The following SHANK2 variants were observed in gnomAD, a reference collection of about 807,000 sequenced individuals.
SHANK2 encodes SH3 and multiple ankyrin repeat domains 2.
Under a neutral mutation model 133.7 loss-of-function variants are expected in SHANK2, and 43 were observed. The observed-to-expected ratio is 0.32, with a 90% CI of 0.25 to 0.41. The LOEUF is 0.41. Among genes scored for constraint, SHANK2 ranks in the 10% least tolerant of loss-of-function variants. The probability of loss-of-function intolerance (pLI) is 1.00; values close to 1 mark genes in which losing one functional copy is unlikely to be tolerated. For missense variants in SHANK2, 1,994 were observed against 2,235.8 expected, an observed-to-expected ratio of 0.89 and a Z score of 2.18; for synonymous variants, 1,017 against 952.8, an observed-to-expected ratio of 1.07 and a Z score of -1.24.
chr11:70,492,290 C>A (rs782423333), intron 22 of SHANK2, 45 bp downstream of exon 22: 1 of 1,602,310 alleles, frequency 6.2e-7, no homozygotes, highest in South Asian at 1.1e-5. Context: ...ACTTCCTGGG[C>A]ACCGTCGGCC....
intron 11 of SHANK2, among the ~76,000 whole-genome samples, chr11:70,886,918 C>G (rs1209663767): frequency 1.3e-5 from 2 of 152,146 alleles, no homozygotes; most frequent in Non-Finnish European, 2.9e-5. Context: ...ATAAAAACCC[C>G]TCGCTTCTCT....
chr11:70,861,221 C>T (rs1262960082), intron 11 of SHANK2, among the ~76,000 whole-genome samples: 2 of 152,200 alleles, frequency 1.3e-5, no homozygotes. Flanking sequence ...ACTATTATGC[C>T]TCTGTTTCCA....
chr11:70,870,874 T>G (rs1291931942), intron 11 of SHANK2, among the ~76,000 whole-genome samples: 1 of 152,158 alleles, frequency 6.6e-6, no homozygotes, highest in Non-Finnish European at 1.5e-5. Context: ...CCCACACAGA[T>G]TCAAGTGATT....
At chr11:70,784,783 C>T (rs540210028) in intron 14 of SHANK2, among the ~76,000 whole-genome samples, 3 of 152,180 alleles carry the variant, frequency 2.0e-5, no homozygotes, top group Non-Finnish European at 2.9e-5. Flanking sequence ...TTCCCCATCT[C>T]GGTAAATGTC....
rs564849729 is a variant in SHANK2, at chr11:70,903,308, C to T, written c.1108-6741G>A. Among the ~76,000 whole-genome samples the T allele has an allele frequency of 7.2e-5, 11 of 151,810 alleles. No individual in the cohort carries two copies. In the South Asian group the frequency reaches 1.3e-3, roughly 17 times the overall value. ...AAAAGAATTGCTTGAACCCGGGAGGCGGAGGTTGCAGTGAGCTGAGATTGC... is the reference window on the plus strand; with the variant it reads ...AAAAGAATTGCTTGAACCCGGGAGGTGGAGGTTGCAGTGAGCTGAGATTGC... On this transcript the variant is annotated intron_variant, in intron 10 of 25. Transcript: ENST00000601538.
At chr11:70,495,777 G>T (rs1226988745) in intron 21 of SHANK2, 1 of 196,466 alleles carries the variant, frequency 5.1e-6, no homozygotes, top group Non-Finnish European at 1.1e-5. Flanking sequence ...AGAGCAGCTG[G>T]AGCCCAACAA....
At chr11:70,510,249 C>T (rs1214889456) in intron 17 of SHANK2, among the ~76,000 whole-genome samples, 1 of 152,186 alleles carries the variant, frequency 6.6e-6, no homozygotes, top group African/African-American at 2.4e-5. Flanking sequence ...GTTAGCAAAC[C>T]TGGGGCCAAG....
chr11:70,929,255 C>T (rs1290855251), intron 10 of SHANK2, among the ~76,000 whole-genome samples: 3 of 152,172 alleles, frequency 2.0e-5, no homozygotes, highest in Non-Finnish European at 4.4e-5. Context: ...GGCTCTGCCC[C>T]GAGGCACTTA....
chr11:70,598,883 A>T (rs1335340506), intron 17 of SHANK2, among the ~76,000 whole-genome samples: 2 of 151,422 alleles, frequency 1.3e-5, no homozygotes, highest in African/African-American at 4.9e-5. Context: ...TCTCTTGCAC[A>T]CTAGGAAAAG....
chr11:71,100,633 C>A (rs1030870066), intron 6 of SHANK2, among the ~76,000 whole-genome samples: 7 of 152,136 alleles, frequency 4.6e-5, no homozygotes, highest in Non-Finnish European at 8.8e-5. Flanking sequence ...CATTGGGACG[C>A]CAAGGCGGGC....
chr11:70,614,311 G>GGT (rs2060708024), intron 17 of SHANK2, among the ~76,000 whole-genome samples: 1 of 115,780 alleles, frequency 8.6e-6, no homozygotes. Flanking sequence ...ACAGTCTGTG[G>GGT]GTTTTGTTTT....
intron 11 of SHANK2, among the ~76,000 whole-genome samples, chr11:70,833,554 G>A (rs1200564287): frequency 2.0e-5 from 3 of 152,212 alleles, no homozygotes; most frequent in African/African-American, 7.2e-5. Context: ...AATCCCACAA[G>A]GTAACTGTCC....
chr11:70,529,945 C>T (rs565867415), intron 17 of SHANK2, among the ~76,000 whole-genome samples: 1 of 152,262 alleles, frequency 6.6e-6, no homozygotes, highest in Admixed American at 6.5e-5. Context: ...CAGTTACGAC[C>T]ATTTATGGTT....
chr11:70,617,564 G>A (rs1167058458), intron 17 of SHANK2, among the ~76,000 whole-genome samples: 16 of 152,102 alleles, frequency 1.1e-4, no homozygotes, highest in African/African-American at 3.6e-4. Context: ...CGCAGCTGTC[G>A]CCACGGGAAG....
At chr11:70,643,933 C>G (rs505263) in intron 17 of SHANK2, among the ~76,000 whole-genome samples, 119,790 of 147,736 alleles carry the variant, frequency 0.81, 48,817 homozygotes, top group East Asian at 0.95. Flanking sequence ...GGGAGGAACA[C>G]AGAGGGGCAG....
intron 1 of SHANK2, among the ~76,000 whole-genome samples, chr11:71,235,040 C>T (rs1235942221): frequency 2.0e-5 from 3 of 152,194 alleles, no homozygotes; most frequent in Admixed American, 6.5e-5. Flanking sequence ...CAACACGAAT[C>T]ATCCTCTGTG....
At chr11:71,242,445 A>G (rs1173980955) in intron 1 of SHANK2, among the ~76,000 whole-genome samples, 1 of 152,154 alleles carries the variant, frequency 6.6e-6, no homozygotes, top group African/African-American at 2.4e-5. Context: ...AGTGCTCTCA[A>G]TTTCCACTGA....
At chr11:71,249,645 C>A (rs1948143067) in intron 1 of SHANK2, among the ~76,000 whole-genome samples, 1 of 152,178 alleles carries the variant, frequency 6.6e-6, no homozygotes, top group Non-Finnish European at 1.5e-5. Context: ...GCAGCAACTC[C>A]CAAGCTGAGC....
intron 10 of SHANK2, among the ~76,000 whole-genome samples, chr11:70,919,878 T>C (rs1302124283): frequency 1.3e-5 from 2 of 152,224 alleles, no homozygotes; most frequent in Non-Finnish European, 2.9e-5. Flanking sequence ...TAACATTATG[T>C]CCTCCGGGCT....
Sources: gnomAD v4.1 joint callset for allele counts (sites outside exome capture counted in the v4.1 genomes callset) on GRCh38, gnomAD v4.1.1 for gene constraint, MANE v1.5 for transcripts, NCBI Gene and HGNC (gene_info 2026-07-23, HGNC 2026-07-21) for gene names.